Variants in VRK3 observed in about 807,000 individuals in gnomAD.
VRK3 encodes serine/threonine-protein kinase VRK3.
In VRK3, 50 loss-of-function variants were observed where a neutral mutation model predicts 60.4. The observed-to-expected ratio is 0.83, with a 90% CI of 0.66 to 1.05. The LOEUF is 1.05. VRK3 is among the 50% of genes least tolerant of loss of function. The pLI, the probability that VRK3 is intolerant of heterozygous loss-of-function variation, is 0.00. For missense variants in VRK3, 549 were observed against 585.3 expected (o/e 0.94, Z 0.64); for synonymous variants, 246 against 227.8 (o/e 1.08, Z -0.72).
chr19:49,984,419 G>A (rs1346636133), intron 12 of VRK3, among the ~76,000 whole-genome samples: 1 of 152,150 alleles, frequency 6.6e-6, no homozygotes, highest in Non-Finnish European at 1.5e-5. Context: ...AGGGTTTCCA[G>A]GAGCCGGTGG....
intron 12 of VRK3, chr19:49,988,108 T>C (rs542167344): frequency 3.2e-6 from 1 of 310,666 alleles, no homozygotes; most frequent in Non-Finnish European, 6.2e-6. Context: ...GGAGACCATC[T>C]CATGGAGCAG....
chr19:49,989,476 C>T (rs2076572899), intron 11 of VRK3, among the ~76,000 whole-genome samples, 163 bp downstream of exon 11: 1 of 152,368 alleles, frequency 6.6e-6, no homozygotes, highest in African/African-American at 2.4e-5. Context: ...ACCCCACCCA[C>T]CTCCCTTGCG....
At chr19:50,016,769 T>C (rs1481318062) in intron 2 of VRK3, among the ~76,000 whole-genome samples, 1 of 152,206 alleles carries the variant, frequency 6.6e-6, no homozygotes, top group Admixed American at 6.5e-5. Context: ...ACTGAGACTA[T>C]GACAAATGAG....
At chr19:49,992,303 AG>A (rs2076625445) in intron 10 of VRK3, among the ~76,000 whole-genome samples, 1 of 152,240 alleles carries the variant, frequency 6.6e-6, no homozygotes, top group Non-Finnish European at 1.5e-5. Context: ...GCTACTCAGG[AG>A]GCTGACAGAG....
Position 49,981,024 on chromosome 19 carries a change from AG to A in VRK3, c.1218-12del, listed in dbSNP as rs2076413136. 1 of 1,611,776 alleles carries A rather than the reference AG, an allele frequency of 6.2e-7. No individual in the cohort carries two copies. ...GGCTTATCAACAAACCTGAAGGGAC[AG>A]AAACACATGTGAAAGGTCTCTTAGG... is the stretch of plus-strand genomic sequence containing the variant. On this transcript the variant is annotated splice_polypyrimidine_tract_variant and intron_variant, in intron 12 of 14. Coordinates refer to ENST00000316763, the MANE Select transcript of VRK3 (RefSeq NM_016440.4).
chr19:49,984,390 G>A (rs1021916208), intron 12 of VRK3, among the ~76,000 whole-genome samples: 1 of 152,106 alleles, frequency 6.6e-6, no homozygotes, highest in African/African-American at 2.4e-5. Context: ...TAGAGACCAG[G>A]TCAGGCATCT....
intron 3 of VRK3, 175 bp downstream of exon 3, chr19:50,015,849 G>C: frequency 1.3e-6 from 1 of 781,406 alleles, no homozygotes; most frequent in Non-Finnish European, 2.1e-6. Flanking sequence ...AAGCCATGAG[G>C]CCAATAAGAG....
intron 3 of VRK3, among the ~76,000 whole-genome samples, chr19:50,015,130 C>T (rs2077054593): frequency 1.3e-5 from 2 of 152,048 alleles, no homozygotes; most frequent in Non-Finnish European, 2.9e-5. Flanking sequence ...AAGTCTAGGG[C>T]AGGCGGCAGG....
At chr19:49,977,770 G>A (rs1349771629) in intron 14 of VRK3, among the ~76,000 whole-genome samples, 1 of 152,162 alleles carries the variant, frequency 6.6e-6, no homozygotes, top group African/African-American at 2.4e-5. Context: ...TATCGAGCTG[G>A]AGAGGTGGGG....
chr19:49,981,079 T>C, intron 12 of VRK3, 66 bp from the exon 13 acceptor site: 2 of 1,410,226 alleles, frequency 1.4e-6, no homozygotes, highest in Non-Finnish European at 2.0e-6. Context: ...TAAAACAGAA[T>C]GCCTAAGATA....
chr19:50,002,091 A>C (rs2076816686), intron 5 of VRK3, among the ~76,000 whole-genome samples: 1 of 152,122 alleles, frequency 6.6e-6, no homozygotes, highest in Admixed American at 6.5e-5. Flanking sequence ...ACCTGGGTCT[A>C]GCTAATCCCA....
chr19:49,983,667 C>A (rs777817742), intron 12 of VRK3, among the ~76,000 whole-genome samples: 28 of 152,370 alleles, frequency 1.8e-4, no homozygotes, highest in Non-Finnish European at 3.1e-4. Context: ...GCCTCTCCTC[C>A]TTCTTTTACT....
intron 3 of VRK3, among the ~76,000 whole-genome samples, chr19:50,012,029 T>C (rs2077003075): frequency 6.6e-6 from 1 of 151,188 alleles, no homozygotes; most frequent in South Asian, 2.1e-4. Context: ...TGGAGTGCAA[T>C]GGCGCAATCT....
chr19:50,011,758 C>A (rs539243786), intron 3 of VRK3, among the ~76,000 whole-genome samples: 7 of 147,722 alleles, frequency 4.7e-5, no homozygotes, highest in Admixed American at 3.3e-4. Flanking sequence ...AACTCCCTCC[C>A]GTGGTCCTGC....
intron 12 of VRK3, among the ~76,000 whole-genome samples, chr19:49,982,469 T>C (rs974423144): frequency 2.0e-5 from 3 of 151,608 alleles, no homozygotes; most frequent in African/African-American, 7.3e-5. Flanking sequence ...GCATAATCAC[T>C]GACAAAAAGC....
chr19:49,998,965 A>G (rs943309475), intron 6 of VRK3: 1 of 149,896 alleles, frequency 6.7e-6, no homozygotes, highest in Admixed American at 6.7e-5. Flanking sequence ...AAAAAAAAAA[A>G]AAAAAAAAAA....
At chr19:49,980,706 G>A (rs551914581) in intron 13 of VRK3, among the ~76,000 whole-genome samples, 68 of 151,306 alleles carry the variant, frequency 4.5e-4, no homozygotes, top group Admixed American at 2.0e-3. Flanking sequence ...GTCAGAGCTA[G>A]ACCCTGTCTT....
In VRK3 at chr19:50,016,166, A is replaced by G. The variant is rs201599344; in HGVS notation, c.-1-3T>C. ...AGTCTGGACAGAAGGAGATCATGCT[A>G]CAAAACAGAATGAACAAACACAAAG... is the stretch of plus-strand genomic sequence containing the variant. On this transcript the variant is annotated splice_region_variant and splice_polypyrimidine_tract_variant and intron_variant, in intron 2 of 14. Coordinates refer to ENST00000316763, the MANE Select transcript of VRK3 (RefSeq NM_016440.4). 1.9e-4 allele frequency: 306 copies of G among 1,613,920 alleles called. No homozygotes were observed. The highest frequency in any genetic ancestry group is 2.5e-4 in the Non-Finnish European group (297 of 1,180,040).
intron 10 of VRK3, among the ~76,000 whole-genome samples, chr19:49,990,300 G>C (rs535459809): frequency 9.2e-5 from 14 of 152,198 alleles, no homozygotes; most frequent in Admixed American, 7.8e-4. Flanking sequence ...CACCTCAAAG[G>C]GTTCTTATAA....
Sources: gnomAD v4.1 joint callset for allele counts (sites outside exome capture counted in the v4.1 genomes callset) on GRCh38, gnomAD v4.1.1 for gene constraint, MANE v1.5 for transcripts, NCBI Gene and HGNC (gene_info 2026-07-23, HGNC 2026-07-21) for gene names.